Variants in IQCM observed in about 807,000 individuals in gnomAD.
The protein encoded by IQCM is IQ domain-containing protein M.
A neutral mutation model predicts 57.6 loss-of-function variants in IQCM; 45 were observed. The ratio of observed to expected loss-of-function variants is 0.78; its 90% CI spans 0.62 to 1.00. The LOEUF is 1.00. IQCM is among the 50% of genes least tolerant of loss of function. The probability of loss-of-function intolerance (pLI) is 0.00; values close to 1 mark genes in which losing one functional copy is unlikely to be tolerated. For synonymous variants in IQCM, 148 were observed against 158.9 expected (o/e 0.93, Z 0.51); for missense variants, 468 against 511.6 (o/e 0.91, Z 0.82).
At chr4:149,354,372 A>AAAAAAAAAAAC (rs1728795381) in intron 13 of IQCM, among the ~76,000 whole-genome samples, 1 of 138,416 alleles carries the variant, frequency 7.2e-6, no homozygotes, top group Non-Finnish European at 1.5e-5. Flanking sequence ...TCAAAAAAAA[A>AAAAAAAAAAAC]AAAAAAAAAA....
At chr4:149,430,394 G>A (rs556845210) in intron 13 of IQCM, among the ~76,000 whole-genome samples, 3 of 152,004 alleles carry the variant, frequency 2.0e-5, no homozygotes, top group South Asian at 2.1e-4. Context: ...TGCATAAAGT[G>A]TACTATTTAA....
chr4:149,768,414 A>T (rs748219804), intron 2 of IQCM, among the ~76,000 whole-genome samples: 1 of 152,146 alleles, frequency 6.6e-6, no homozygotes, highest in Non-Finnish European at 1.5e-5. Flanking sequence ...TGGATTATGG[A>T]TAAGTACAAT....
intron 12 of IQCM, among the ~76,000 whole-genome samples, chr4:149,510,190 G>A (rs115513362): frequency 6.6e-6 from 1 of 152,064 alleles, no homozygotes; most frequent in South Asian, 2.1e-4. Context: ...GGGTTAAAAA[G>A]CGATTATCTC....
intron 2 of IQCM, among the ~76,000 whole-genome samples, chr4:149,743,439 G>C (rs986417845): frequency 2.0e-5 from 3 of 152,072 alleles, no homozygotes; most frequent in Non-Finnish European, 1.5e-5. Context: ...TAAAAACACA[G>C]AGTGATCGAT....
At chr4:149,585,528 T>C (rs1752575714) in intron 9 of IQCM, among the ~76,000 whole-genome samples, 1 of 151,688 alleles carries the variant, frequency 6.6e-6, no homozygotes, top group African/African-American at 2.4e-5. Flanking sequence ...ATATATAGTT[T>C]TATATTGTTC....
intron 12 of IQCM, among the ~76,000 whole-genome samples, chr4:149,515,327 T>C (rs1744845737): frequency 6.6e-6 from 1 of 152,040 alleles, no homozygotes; most frequent in African/African-American, 2.4e-5. Context: ...TCTAGACCCA[T>C]AAAGTGGGTT....
At chr4:149,523,160 G>A (rs1308824651) in intron 12 of IQCM, among the ~76,000 whole-genome samples, 1 of 152,010 alleles carries the variant, frequency 6.6e-6, no homozygotes, top group Non-Finnish European at 1.5e-5. Flanking sequence ...GGAAGCAAGC[G>A]CTCTCCTGTC....
chr4:149,419,058 A>G (rs2111208152), intron 13 of IQCM, among the ~76,000 whole-genome samples: 1 of 152,326 alleles, frequency 6.6e-6, no homozygotes, highest in Non-Finnish European at 1.5e-5. Context: ...GAAAGTGGCC[A>G]TACTGCCCAA....
At chr4:149,542,951 G>T (rs1210322534) in intron 12 of IQCM, among the ~76,000 whole-genome samples, 1 of 151,902 alleles carries the variant, frequency 6.6e-6, no homozygotes, top group Non-Finnish European at 1.5e-5. Context: ...TGGTAGAGCA[G>T]GGAATTAAGC....
intron 13 of IQCM, among the ~76,000 whole-genome samples, chr4:149,356,761 GT>G (rs1239182106): frequency 6.6e-6 from 1 of 151,296 alleles, no homozygotes; most frequent in Non-Finnish European, 1.5e-5. Context: ...CTTTAAAGTA[GT>G]TTTTTCCAAT....
chr4:149,354,381 A>AAAAAAAAAAAAAAAAAAAC, intron 13 of IQCM, among the ~76,000 whole-genome samples: 1 of 117,110 alleles, frequency 8.5e-6, no homozygotes, highest in Non-Finnish European at 1.7e-5. Context: ...AAAAAAAAAA[A>AAAAAAAAAAAAAAAAAAAC]AAAAAAAACT....
chr4:149,546,318 T>G (rs979088680), intron 12 of IQCM, among the ~76,000 whole-genome samples: 10 of 152,218 alleles, frequency 6.6e-5, no homozygotes, highest in Admixed American at 6.5e-4. Context: ...TTTATAATCC[T>G]TTGGGTATAT....
chr4:149,519,319 T>C (rs13119457), intron 12 of IQCM, among the ~76,000 whole-genome samples: 75,962 of 152,080 alleles, frequency 0.5, 19,295 homozygotes, highest in Non-Finnish European at 0.54. Flanking sequence ...AATCAGACCA[T>C]ACCCTTAAAA....
intron 12 of IQCM, among the ~76,000 whole-genome samples, chr4:149,449,406 T>C (rs1292047661): frequency 1.4e-5 from 2 of 145,480 alleles, no homozygotes; most frequent in Non-Finnish European, 3.0e-5. Context: ...TATTTATATT[T>C]ATATATATAT....
At chr4:149,668,688 A>C (rs1056186770) in intron 7 of IQCM, among the ~76,000 whole-genome samples, 1 of 152,216 alleles carries the variant, frequency 6.6e-6, no homozygotes, top group Non-Finnish European at 1.5e-5. Context: ...AATTATTATA[A>C]GTAAATGCTG....
chr4:149,742,680 T>C lies in IQCM; in HGVS notation c.12A>G (p.Glu4=), dbSNP rs1176372957. The C allele has an allele frequency of 8.1e-7, 1 of 1,231,350 alleles. No homozygotes were observed. Among genetic ancestry groups the C allele is most frequent in the African/African-American group, 1.6e-5 (1 of 64,372 alleles). The allele number at this position is 1,231,350 out of a possible 1,614,324, so 76.3% of individuals were successfully genotyped here. A position where few individuals can be genotyped will look rare whatever the true frequency, so the allele number is the denominator to read the frequency against. Reference sequence around the variant, plus strand: ...ATTTTGCTTTTTCAGGCATAGCCTCTTCAGTAGTCATGAGGGGCAGTTAGA... The same window carrying C: ...ATTTTGCTTTTTCAGGCATAGCCTCCTCAGTAGTCATGAGGGGCAGTTAGA... MTT[E]EAMPEKAKCP... is the part of the protein sequence containing the mutation. Residue 4 remains glutamate, a synonymous_variant, in exon 3 of 14, where the codon GAA becomes GAG. Transcript: ENST00000636793.
intron 12 of IQCM, among the ~76,000 whole-genome samples, chr4:149,542,034 C>T (rs1458527995): frequency 6.6e-6 from 1 of 151,926 alleles, no homozygotes; most frequent in Non-Finnish European, 1.5e-5. Flanking sequence ...AAATAGGAAT[C>T]CATTAATTTA....
chr4:149,757,813 C>T (rs1769131624), intron 2 of IQCM, among the ~76,000 whole-genome samples: 1 of 151,804 alleles, frequency 6.6e-6, no homozygotes, highest in South Asian at 2.1e-4. Context: ...ACACGTGGGG[C>T]ATTTACAAAA....
intron 12 of IQCM, among the ~76,000 whole-genome samples, chr4:149,543,763 A>C (rs1347314565): frequency 1.4e-5 from 2 of 145,890 alleles, no homozygotes; most frequent in African/African-American, 2.5e-5. Context: ...TGAAAAAAAA[A>C]CAATTGCTAT....
Sources: gnomAD v4.1 joint callset for allele counts (sites outside exome capture counted in the v4.1 genomes callset) on GRCh38, gnomAD v4.1.1 for gene constraint, MANE v1.5 for transcripts, NCBI Gene and HGNC (gene_info 2026-07-23, HGNC 2026-07-21) for gene names.